Variants in VPS13B observed in about 807,000 individuals in gnomAD.
VPS13B encodes intermembrane lipid transfer protein VPS13B.
A neutral mutation model predicts 426.4 loss-of-function variants in VPS13B; 285 were observed. That is an observed-to-expected ratio of 0.67 (90% CI 0.61 to 0.74). The LOEUF (loss-of-function observed/expected upper bound fraction) is 0.74, where lower values mean the gene tolerates loss of function less well. Ranked by LOEUF, VPS13B falls within the 30% of genes least tolerant of loss-of-function variation. The pLI is 0.00. For missense variants in VPS13B, 4,537 were observed against 4,782.6 expected (o/e 0.95, Z 1.51); for synonymous variants, 1,676 against 1,676.4 (o/e 1.00, Z 0.01).
intron 34 of VPS13B, among the ~76,000 whole-genome samples, chr8:99,657,739 A>G (rs1398178167): frequency 6.6e-6 from 1 of 152,168 alleles, no homozygotes. Context: ...ATGATGTTGC[A>G]GTCAACTTCT....
At chr8:99,765,416 T>G (rs1199888410) in intron 39 of VPS13B, among the ~76,000 whole-genome samples, 1 of 152,356 alleles carries the variant, frequency 6.6e-6, no homozygotes, top group East Asian at 1.9e-4. Context: ...GCTGGTTATA[T>G]TTTTTCTTCT....
intron 17 of VPS13B, among the ~76,000 whole-genome samples, chr8:99,211,482 A>G (rs1180611555): frequency 3.9e-5 from 6 of 152,162 alleles, no homozygotes; most frequent in Admixed American, 1.3e-4. Context: ...CAGGATTTCC[A>G]AGGATCCTTC....
intron 3 of VPS13B, among the ~76,000 whole-genome samples, chr8:99,050,301 T>A (rs1389422822): frequency 6.6e-6 from 1 of 152,058 alleles, no homozygotes; most frequent in African/African-American, 2.4e-5. Context: ...TTTTTGTCCT[T>A]GAGATAGTTT....
At chr8:99,408,809 T>G (rs1815466966) in intron 21 of VPS13B, among the ~76,000 whole-genome samples, 1 of 152,136 alleles carries the variant, frequency 6.6e-6, no homozygotes, top group South Asian at 2.1e-4. Context: ...TTTTGTGGTC[T>G]GGAGAATGAA....
intron 15 of VPS13B, among the ~76,000 whole-genome samples, chr8:99,161,371 G>T (rs1220042489): frequency 6.6e-6 from 1 of 152,128 alleles, no homozygotes; most frequent in African/African-American, 2.4e-5. Flanking sequence ...ATAGATAAAT[G>T]AAGTGAGTCT....
At chr8:99,668,691 A>AT (rs1187471346) in intron 35 of VPS13B, among the ~76,000 whole-genome samples, 2 of 152,052 alleles carry the variant, frequency 1.3e-5, no homozygotes, top group Admixed American at 6.6e-5. Context: ...CCTTGTACCC[A>AT]TTAGCAAGGT....
chr8:99,746,414 G>A (rs1810090042), intron 39 of VPS13B, among the ~76,000 whole-genome samples: 1 of 151,824 alleles, frequency 6.6e-6, no homozygotes, highest in Admixed American at 6.6e-5. Flanking sequence ...TGTGTACTAT[G>A]GTTTGTCAGC....
intron 17 of VPS13B, among the ~76,000 whole-genome samples, chr8:99,225,792 G>A (rs1057136634): frequency 6.6e-6 from 1 of 152,114 alleles, no homozygotes; most frequent in African/African-American, 2.4e-5. Context: ...TGCTGTCTCA[G>A]TGATCTTTCT....
intron 30 of VPS13B, among the ~76,000 whole-genome samples, chr8:99,543,424 A>G (rs1358867944): frequency 1.3e-5 from 2 of 151,290 alleles, no homozygotes; most frequent in Non-Finnish European, 1.5e-5. Context: ...TGTCTAAAAC[A>G]CCAAAAGCAA....
chr8:99,157,975 A>G (rs1811446125), intron 15 of VPS13B, among the ~76,000 whole-genome samples: 1 of 152,218 alleles, frequency 6.6e-6, no homozygotes, highest in South Asian at 2.1e-4. Context: ...GAGAGACTTG[A>G]GAAAGCTGCA....
intron 46 of VPS13B, 36 bp downstream of exon 46, chr8:99,818,570 A>G: frequency 6.2e-7 from 1 of 1,609,460 alleles, no homozygotes; most frequent in Non-Finnish European, 8.5e-7. Context: ...ATGGTATATG[A>G]CTCTGACCTT....
chr8:99,713,854 C>T (rs1408307346), intron 36 of VPS13B, among the ~76,000 whole-genome samples: 2 of 152,128 alleles, frequency 1.3e-5, no homozygotes, highest in Non-Finnish European at 2.9e-5. Context: ...AAATGATTGG[C>T]ATAGGCCAGG....
intron 19 of VPS13B, among the ~76,000 whole-genome samples, chr8:99,319,670 T>C (rs1445629356): frequency 6.6e-6 from 1 of 152,172 alleles, no homozygotes; most frequent in Non-Finnish European, 1.5e-5. Flanking sequence ...GCAACTTTCA[T>C]ATAGAATTGA....
chr8:99,479,474 C>T (rs1588423224), intron 24 of VPS13B, among the ~76,000 whole-genome samples: 1 of 152,256 alleles, frequency 6.6e-6, no homozygotes, highest in Non-Finnish European at 1.5e-5. Flanking sequence ...TTGAGGTTTA[C>T]TTAACATACA....
At chr8:99,553,210 T>C (rs147016597) in intron 30 of VPS13B, among the ~76,000 whole-genome samples, 11 of 152,246 alleles carry the variant, frequency 7.2e-5, no homozygotes, top group African/African-American at 2.2e-4. Context: ...GGTTTCACAT[T>C]ATTTGGGAGA....
In VPS13B at chr8:99,442,442, C is replaced by T. The variant is rs763011957; in HGVS notation, c.3252C>T (p.Ser1084=). ...QSCCVFIPND[S]LPSPSTIVSG... is the part of the protein sequence containing the mutation. ...GTTGTGTGTTTATTCCAAATGATAGCCTGCCTTCCCCAAGTACAATTGTAT... is the reference window on the plus strand; with the variant it reads ...GTTGTGTGTTTATTCCAAATGATAGTCTGCCTTCCCCAAGTACAATTGTAT... The change falls in exon 23 of 62, where the codon AGC becomes AGT. Residue 1084 remains serine, a synonymous_variant. Transcript: ENST00000357162. The T allele has an allele frequency of 3.7e-6, 6 of 1,613,906 alleles. No homozygotes were observed. Among genetic ancestry groups the T allele is most frequent in the Non-Finnish European group, 5.1e-6 (6 of 1,179,876 alleles).
rs536470591 is a variant in VPS13B at position 99,201,339 on chromosome 8, T to C, written c.2515+8282T>C. Among the ~76,000 whole-genome samples, 41 of 152,312 alleles carry C rather than the reference T, an allele frequency of 2.7e-4. 1 individual carries two copies. The highest frequency in any genetic ancestry group is 3.4e-3 in the Middle Eastern group (1 of 294). On this transcript the variant is annotated intron_variant, in intron 17 of 61. Coordinates refer to ENST00000357162, the MANE Select transcript of VPS13B (RefSeq NM_152564.5). ...TTAGCGAGTTTTGAAATCAACTTCA[T>C]TGATTACTACTAAGAATTTGAAAAG...
intron 33 of VPS13B, among the ~76,000 whole-genome samples, chr8:99,587,224 G>T (rs1264980803): frequency 2.0e-5 from 3 of 152,150 alleles, no homozygotes; most frequent in African/African-American, 7.2e-5. Context: ...ATCTATCACT[G>T]ATGGACATTT....
intron 33 of VPS13B, among the ~76,000 whole-genome samples, chr8:99,612,922 A>G (rs1271384502): frequency 6.6e-6 from 1 of 151,834 alleles, no homozygotes; most frequent in African/African-American, 2.4e-5. Flanking sequence ...GACTATTTCT[A>G]TCTCTCTTTC....
Sources: allele counts gnomAD v4.1 joint callset (sites outside exome capture counted in the v4.1 genomes callset), GRCh38; gene constraint gnomAD v4.1.1; transcripts MANE v1.5; gene names NCBI Gene and HGNC (gene_info 2026-07-23, HGNC 2026-07-21).